Variants in EDN1 observed in about 807,000 individuals in gnomAD.
EDN1 encodes endothelin-1.
Under a neutral mutation model 21.7 loss-of-function variants are expected in EDN1, and 11 were observed. The observed-to-expected ratio is 0.51, with a 90% CI of 0.32 to 0.84. The LOEUF is 0.84. Among genes scored for constraint, EDN1 ranks in the 40% least tolerant of loss-of-function variants. The pLI is 0.03. For missense variants in EDN1, 244 were observed against 262.3 expected (o/e 0.93, Z 0.48); for synonymous variants, 85 against 90.6 (o/e 0.94, Z 0.35).
At chr6:12,270,526 T>G in the EDN1 span, among the ~76,000 whole-genome samples, 1 of 152,194 alleles carries the variant, frequency 6.6e-6, no homozygotes, top group African/African-American at 2.4e-5. Flanking sequence ...TTTAATTTCT[T>G]TATTGACCCA....
chr6:12,269,862 G>A, the EDN1 span, among the ~76,000 whole-genome samples: 769 of 151,916 alleles, frequency 5.1e-3, 8 homozygotes, highest in African/African-American at 0.018. Flanking sequence ...CAATTTTTTG[G>A]AGTAATTTGA....
intron 4 of EDN1, 125 bp downstream of exon 4, chr6:12,294,529 A>G (rs138831657): frequency 1.8e-6 from 2 of 1,085,736 alleles, no homozygotes; most frequent in East Asian, 2.5e-5. Flanking sequence ...AGAAAACAGT[A>G]GCAGAGGAGA....
chr6:12,263,516 A>G, the EDN1 span, among the ~76,000 whole-genome samples: 2 of 152,220 alleles, frequency 1.3e-5, no homozygotes, highest in Non-Finnish European at 2.9e-5. Flanking sequence ...GACATAAACT[A>G]GCCCCACCAG....
the EDN1 span, among the ~76,000 whole-genome samples, chr6:12,262,306 TA>T: frequency 6.6e-6 from 1 of 152,142 alleles, no homozygotes; most frequent in Non-Finnish European, 1.5e-5. Context: ...AATGCAGTAT[TA>T]GCTCAAGAAA....
At chr6:12,285,950 A>G (rs1762554324), upstream of EDN1, among the ~76,000 whole-genome samples, 1 of 152,232 alleles carries the variant, frequency 6.6e-6, no homozygotes, top group African/African-American at 2.4e-5. Context: ...TTTTTTAACC[A>G]TACCAACCAT....
the EDN1 span, among the ~76,000 whole-genome samples, chr6:12,240,203 C>T: frequency 1.3e-5 from 2 of 152,126 alleles, no homozygotes; most frequent in African/African-American, 2.4e-5. Context: ...CCCAGACAGC[C>T]AGCAGGAAGG....
At chr6:12,286,360 T>G (rs1762558685), upstream of EDN1, among the ~76,000 whole-genome samples, 1 of 152,264 alleles carries the variant, frequency 6.6e-6, no homozygotes, top group South Asian at 2.1e-4. Flanking sequence ...AGAAGCTGTG[T>G]TTCTTCATAG....
intron 4 of EDN1, 86 bp downstream of exon 4, chr6:12,294,490 C>G (rs753872141): frequency 4.0e-6 from 6 of 1,504,514 alleles, no homozygotes; most frequent in Non-Finnish European, 5.5e-6. Context: ...GTTCCTCCAG[C>G]CCTTCTTACC....
At chr6:12,291,214 G>T (rs1268559319) in intron 1 of EDN1, among the ~76,000 whole-genome samples, 2 of 42,052 alleles carry the variant, frequency 4.8e-5, no homozygotes, top group Non-Finnish European at 4.6e-5. Context: ...ACTAACTACC[G>T]CCTCCCCCCC....
At chr6:12,235,140 C>T in the EDN1 span, among the ~76,000 whole-genome samples, 1 of 152,136 alleles carries the variant, frequency 6.6e-6, no homozygotes, top group Non-Finnish European at 1.5e-5. Flanking sequence ...GGGTAAGTCA[C>T]TTCTTTGTCT....
At chr6:12,244,144 A>T in the EDN1 span, among the ~76,000 whole-genome samples, 3 of 152,144 alleles carry the variant, frequency 2.0e-5, no homozygotes, top group African/African-American at 7.2e-5. Flanking sequence ...GAAATATTTT[A>T]AAAACATTTA....
chr6:12,255,929 T>G, the EDN1 span, among the ~76,000 whole-genome samples: 2 of 152,270 alleles, frequency 1.3e-5, no homozygotes, highest in Middle Eastern at 3.4e-3. Context: ...ATAAGCCAGG[T>G]TGTTACAAGG....
Position 12,296,244 on chromosome 6 carries a change from A to G in EDN1, c.*177A>G. The G allele has an allele frequency of 1.6e-6, 1 of 620,098 alleles. No individual in the cohort carries two copies. The highest frequency in any genetic ancestry group is 2.4e-5 in the Admixed American group (1 of 41,282). The allele number at this position is 620,098 out of a possible 1,614,324, so 38.4% of individuals were successfully genotyped here. A position where few individuals can be genotyped will look rare whatever the true frequency, so the allele number is the denominator to read the frequency against. The stretch of plus-strand genomic sequence containing the variant: ...GAAAGGTTAAGGAGTTCCCCCAACC[A>G]TCTTCACTGGCTTCCATCAGTGGTA... On this transcript the variant is annotated 3_prime_UTR_variant, in exon 5 of 5. Transcript: ENST00000379375.
chr6:12,280,002 T>A, the EDN1 span, among the ~76,000 whole-genome samples: 1 of 152,194 alleles, frequency 6.6e-6, no homozygotes, highest in East Asian at 1.9e-4. Context: ...TAACTAGAGA[T>A]CTGTATAACT....
At chr6:12,292,732 T>G (rs1762717430) in intron 2 of EDN1, among the ~76,000 whole-genome samples, 1 of 152,076 alleles carries the variant, frequency 6.6e-6, no homozygotes, top group Non-Finnish European at 1.5e-5. Flanking sequence ...AGGCTACTCA[T>G]GATGGGACAA....
chr6:12,259,827 T>G, the EDN1 span, among the ~76,000 whole-genome samples: 1 of 152,062 alleles, frequency 6.6e-6, no homozygotes, highest in African/African-American at 2.4e-5. Context: ...CCTCCTCTCT[T>G]TCATCTACCA....
intron 1 of EDN1, 132 bp from the exon 2 acceptor site, chr6:12,292,209 T>C: frequency 7.6e-7 from 1 of 1,316,218 alleles, no homozygotes; most frequent in Non-Finnish European, 1.1e-6. Context: ...TTTTTCTGTG[T>C]TTCTTGCTGA....
Position 12,292,443 on chromosome 6 carries a change from C to T in EDN1, c.167C>T (p.Ser56Leu). The T allele has an allele frequency of 6.2e-7, 1 of 1,614,238 alleles. No homozygotes were observed. Among genetic ancestry groups the T allele is most frequent in the South Asian group, 1.1e-5 (1 of 91,082 alleles). ...RLRRSKRCSC[S>L]SLMDKECVYF... Reference sequence around the variant, plus strand: ...CGCCGGTCCAAGCGCTGCTCCTGCTCGTCCCTGATGGATAAAGAGTGTGTC... The same window carrying T: ...CGCCGGTCCAAGCGCTGCTCCTGCTTGTCCCTGATGGATAAAGAGTGTGTC... The change falls in exon 2 of 5, where the codon TCG becomes TTG. Residue 56 changes from serine (S) to leucine (L), a missense_variant. Coordinates refer to ENST00000379375, the MANE Select transcript of EDN1 (RefSeq NM_001955.5).
chr6:12,239,393 T>C, the EDN1 span, among the ~76,000 whole-genome samples: 2 of 152,182 alleles, frequency 1.3e-5, no homozygotes, highest in Non-Finnish European at 2.9e-5. Context: ...TAAAAGAAAT[T>C]ACATTTTCTT....
Sources: allele counts gnomAD v4.1 joint callset (sites outside exome capture counted in the v4.1 genomes callset), GRCh38; gene constraint gnomAD v4.1.1; transcripts MANE v1.5; gene names NCBI Gene and HGNC (gene_info 2026-07-23, HGNC 2026-07-21).